POLR3B: variants seen among roughly 807,000 people sequenced by gnomAD.
POLR3B encodes RNA polymerase III subunit B.
POLR3B carries 96 observed loss-of-function variants against 147.4 expected under a neutral mutation model. That is an observed-to-expected ratio of 0.65 (90% confidence interval 0.55 to 0.77). The LOEUF is 0.77. Among genes scored for constraint, POLR3B ranks in the 30% least tolerant of loss-of-function variants. The probability of loss-of-function intolerance (pLI) is 0.00; values close to 1 mark genes in which losing one functional copy is unlikely to be tolerated. For synonymous variants in POLR3B, 461 were observed against 485.9 expected (o/e 0.95, Z 0.67); for missense variants, 1,036 against 1,413.5 (o/e 0.73, Z 4.28).
chr12:106,369,429 A>C (rs981544375), intron 5 of POLR3B, 79 bp downstream of exon 5: 11 of 988,992 alleles, frequency 1.1e-5, no homozygotes, highest in Non-Finnish European at 1.8e-5. Context: ...TTAAAAGATC[A>C]TTTAAAAATG....
intron 11 of POLR3B, among the ~76,000 whole-genome samples, chr12:106,409,159 AAG>A (rs2037187800): frequency 6.6e-6 from 1 of 152,204 alleles, no homozygotes; most frequent in Admixed American, 6.5e-5. Context: ...CTACAACTAG[AAG>A]AGTTAGATGT....
At chr12:106,434,673 C>G (rs749309607) in intron 16 of POLR3B, among the ~76,000 whole-genome samples, 21 of 152,058 alleles carry the variant, frequency 1.4e-4, no homozygotes, top group Non-Finnish European at 3.1e-4. Context: ...CTAGCATTAC[C>G]GTAGTTATTC....
At chr12:106,407,881 C>T (rs1236174370) in intron 11 of POLR3B, among the ~76,000 whole-genome samples, 3 of 151,846 alleles carry the variant, frequency 2.0e-5, no homozygotes, top group African/African-American at 7.3e-5. Flanking sequence ...ACCTAAATTA[C>T]CATTTTAAAA....
Position 106,507,876 on chromosome 12 carries a change from A to G in POLR3B, c.3273-1544A>G, listed in dbSNP as rs1592786019. 1.8e-5 allele frequency: 8 copies of G among 451,422 alleles called. No homozygotes were observed. In the East Asian group the frequency reaches 5.6e-4, roughly 32 times the overall value. 28.0% of individuals were successfully genotyped at this position (451,422 alleles called of 1,614,324 possible). A position where few individuals can be genotyped will look rare whatever the true frequency, so the allele number is the denominator to read the frequency against. ...ATCCCTGCTCATTGTAAAACATTCAAAAGTTACCACAAATATAAAGTGAGT... is the reference window on the plus strand; with the variant it reads ...ATCCCTGCTCATTGTAAAACATTCAGAAGTTACCACAAATATAAAGTGAGT... On this transcript the variant is annotated intron_variant, in intron 27 of 27. Transcript: ENST00000228347.
At chr12:106,417,219 T>C (rs2037316306) in intron 12 of POLR3B, among the ~76,000 whole-genome samples, 1 of 152,222 alleles carries the variant, frequency 6.6e-6, no homozygotes. Flanking sequence ...TCATGCAGCC[T>C]TGCAAACTGC....
intron 23 of POLR3B, among the ~76,000 whole-genome samples, chr12:106,471,483 C>CACTCA (rs1429764711): frequency 6.6e-6 from 1 of 152,098 alleles, no homozygotes; most frequent in Non-Finnish European, 1.5e-5. Context: ...CACTGTCCAG[C>CACTCA]CAGTCCCAGT....
intron 10 of POLR3B, among the ~76,000 whole-genome samples, chr12:106,396,986 GT>G (rs2136921069): frequency 6.6e-6 from 1 of 152,032 alleles, no homozygotes; most frequent in South Asian, 2.1e-4. Context: ...GCTGGGCATG[GT>G]GGCGTGTGCC....
rs1266485043 is a variant in POLR3B, at chr12:106,491,356, C to T, written c.2714-4699C>T. ...GTCACCCAATTCCTCGATTCACCTG[C>T]TCTACATAGGTCTAAGAGTCCAAGG... On this transcript the variant is annotated intron_variant, in intron 23 of 27. Coordinates refer to ENST00000228347, the MANE Select transcript of POLR3B (RefSeq NM_018082.6). Among the ~76,000 whole-genome samples the T allele has an allele frequency of 4.6e-5, 7 of 152,182 alleles. 1 individual carries two copies. The highest frequency in any genetic ancestry group is 1.0e-4 in the Non-Finnish European group (7 of 68,046).
intron 23 of POLR3B, among the ~76,000 whole-genome samples, chr12:106,484,800 T>G (rs1269803602): frequency 2.0e-5 from 3 of 151,920 alleles, no homozygotes; most frequent in Non-Finnish European, 4.4e-5. Flanking sequence ...CTGGGAGGAT[T>G]TAGTTATAGG....
Position 106,430,557 on chromosome 12 carries a change from G to C in POLR3B, c.1464+84G>C. 3.0e-6 allele frequency: 3 copies of C among 1,012,642 alleles called. No individual in the cohort carries two copies. The South Asian group carries it at 3.9e-5, about 13-fold the overall frequency. The allele number at this position is 1,012,642 out of a possible 1,614,324, so 62.7% of individuals were successfully genotyped here. A position where few individuals can be genotyped will look rare whatever the true frequency, so the allele number is the denominator to read the frequency against. ...GGGTGGGGTGGGGAGGTCTGCTTCT[G>C]TTCCCATCTCCAGGCCATATCCTTT... On this transcript the variant is annotated intron_variant, in intron 14 of 27. Coordinates refer to ENST00000228347, the MANE Select transcript of POLR3B (RefSeq NM_018082.6).
chr12:106,492,951 T>C (rs1357029608), intron 23 of POLR3B, among the ~76,000 whole-genome samples: 1 of 152,222 alleles, frequency 6.6e-6, no homozygotes, highest in Non-Finnish European at 1.5e-5. Flanking sequence ...CATTTGGCCC[T>C]CCTGAGTGCA....
chr12:106,506,932 C>T (rs994281223), intron 27 of POLR3B, among the ~76,000 whole-genome samples: 2 of 152,086 alleles, frequency 1.3e-5, no homozygotes, highest in East Asian at 3.8e-4. Flanking sequence ...TGGAGGAAGT[C>T]GCTCTTTAAT....
intron 9 of POLR3B, among the ~76,000 whole-genome samples, chr12:106,383,204 G>C (rs117899130): frequency 0.016 from 2,505 of 152,282 alleles, 39 homozygotes; most frequent in South Asian, 0.053. Context: ...TTTGACTTAA[G>C]GGAATGTTGT....
At chr12:106,462,601 G>GT (rs796948075) in intron 22 of POLR3B, among the ~76,000 whole-genome samples, 9 of 152,298 alleles carry the variant, frequency 5.9e-5, no homozygotes, top group African/African-American at 1.9e-4. Flanking sequence ...TGAAACTTGA[G>GT]TAAGTTAAGT....
At chr12:106,445,074 T>A (rs946028421) in intron 19 of POLR3B, among the ~76,000 whole-genome samples, 1 of 152,200 alleles carries the variant, frequency 6.6e-6, no homozygotes, top group Non-Finnish European at 1.5e-5. Flanking sequence ...CTAAAACTTA[T>A]CCAATTCATG....
At chr12:106,479,678 C>T (rs1281785762) in intron 23 of POLR3B, among the ~76,000 whole-genome samples, 1 of 152,130 alleles carries the variant, frequency 6.6e-6, no homozygotes, top group East Asian at 1.9e-4. Flanking sequence ...CCAGCGCACC[C>T]AGCCTATTCT....
In POLR3B at chr12:106,436,909, C is replaced by T; in HGVS notation, c.1782-148C>T. 5.7e-6 allele frequency: 4 copies of T among 700,862 alleles called. No homozygotes were observed. The South Asian group carries it at 6.1e-5, about 11-fold the overall frequency. The allele number at this position is 700,862 out of a possible 1,614,324, so 43.4% of individuals were successfully genotyped here. ...GCATAGTCCCCTACACCATGCTCAT[C>T]CATACAAAAATTACCTGGTGTCCTC... On this transcript the variant is annotated intron_variant, in intron 16 of 27. Transcript: ENST00000228347.
chr12:106,359,289 C>G (rs2036432773), intron 1 of POLR3B, among the ~76,000 whole-genome samples: 1 of 150,956 alleles, frequency 6.6e-6, no homozygotes, highest in African/African-American at 2.4e-5. Context: ...CAGATTCAGT[C>G]TATAAGTGCA....
chr12:106,371,682 C>T (rs1359985160), intron 6 of POLR3B, among the ~76,000 whole-genome samples: 9 of 140,370 alleles, frequency 6.4e-5, no homozygotes, highest in Non-Finnish European at 9.3e-5. Context: ...AGTAAACTAT[C>T]GCAAGAACAA....
Sources: allele counts gnomAD v4.1 joint callset (sites outside exome capture counted in the v4.1 genomes callset), GRCh38; gene constraint gnomAD v4.1.1; transcripts MANE v1.5; gene names NCBI Gene and HGNC (gene_info 2026-07-23, HGNC 2026-07-21).